CAPZB: variants seen among roughly 807,000 people sequenced by gnomAD.
CAPZB encodes F-actin-capping protein subunit beta.
In CAPZB, 2 loss-of-function variants were observed where a neutral mutation model predicts 38.1. The observed-to-expected ratio is 0.05, with a 90% confidence interval of 0.02 to 0.17. The LOEUF (loss-of-function observed/expected upper bound fraction) is 0.17, where lower values mean the gene tolerates loss of function less well. CAPZB is among the 10% of genes least tolerant of loss of function. The pLI, the probability that CAPZB is intolerant of heterozygous loss-of-function variation, is 1.00. For synonymous variants in CAPZB, 107 were observed against 127.4 expected (o/e 0.84, Z 1.08); for missense variants, 161 against 334.2 (o/e 0.48, Z 4.04).
chr1:19,418,634 T>C (rs1392298702), intron 2 of CAPZB, among the ~76,000 whole-genome samples: 1 of 152,208 alleles, frequency 6.6e-6, no homozygotes, highest in East Asian at 1.9e-4. Flanking sequence ...TGTCACACAC[T>C]TGCCTCTCAG....
At chr1:19,365,246 G>A (rs2094077000) in intron 4 of CAPZB, among the ~76,000 whole-genome samples, 2 of 152,186 alleles carry the variant, frequency 1.3e-5, no homozygotes, top group Admixed American at 1.3e-4. Flanking sequence ...TCAAATCTGT[G>A]ACAGATCACT....
intron 1 of CAPZB, among the ~76,000 whole-genome samples, chr1:19,456,245 T>C (rs1347806948): frequency 2.6e-5 from 4 of 152,242 alleles, no homozygotes; most frequent in South Asian, 4.1e-4. Context: ...CAACCAACAA[T>C]CTGCTGCTAT....
chr1:19,469,371 T>C (rs1226554727), intron 1 of CAPZB, among the ~76,000 whole-genome samples: 1 of 152,224 alleles, frequency 6.6e-6, no homozygotes, highest in Admixed American at 6.5e-5. Flanking sequence ...AAGGACAAAG[T>C]TTCCTTCCTA....
rs765964304 is a variant in CAPZB, at chr1:19,339,500, C to T, written c.*30G>A. 4.0e-6 allele frequency: 6 copies of T among 1,513,798 alleles called. No individual in the cohort carries two copies. The highest frequency in any genetic ancestry group is 2.7e-5 in the African/African-American group (2 of 72,914). 93.8% of individuals were successfully genotyped at this position (1,513,798 alleles called of 1,614,324 possible). The stretch of plus-strand genomic sequence containing the variant: ...CTAAGAAAGGAATCTAACGAGTGCA[C>T]GGCGTGTCTGGTTAGCATGAAACAG... On this transcript the variant is annotated 3_prime_UTR_variant, in exon 9 of 9. Coordinates refer to ENST00000264202, the MANE Select transcript of CAPZB (RefSeq NM_004930.5).
At chr1:19,443,218 T>G (rs1261670466) in intron 1 of CAPZB, among the ~76,000 whole-genome samples, 2 of 143,996 alleles carry the variant, frequency 1.4e-5, no homozygotes, top group Admixed American at 1.4e-4. Flanking sequence ...TGAGATCCCA[T>G]CTCTACAAAA....
chr1:19,409,438 A>C (rs1171368530), intron 2 of CAPZB, among the ~76,000 whole-genome samples: 1 of 150,916 alleles, frequency 6.6e-6, no homozygotes, highest in African/African-American at 2.4e-5. Context: ...TGCACTTCTA[A>C]CTACTAGTGA....
intron 1 of CAPZB, among the ~76,000 whole-genome samples, chr1:19,478,443 C>T (rs191728998): frequency 1.4e-4 from 22 of 152,316 alleles, no homozygotes; most frequent in African/African-American, 5.3e-4. Context: ...ATGGCAACCA[C>T]CAGGGTTGTT....
At chr1:19,398,782 C>T (rs1042181981) in intron 2 of CAPZB, among the ~76,000 whole-genome samples, 33 of 151,838 alleles carry the variant, frequency 2.2e-4, no homozygotes, top group Admixed American at 2.0e-3. Flanking sequence ...TAGGGCAGGT[C>T]GCAAAGCAGC....
chr1:19,423,513 ATTCTTTTTTT>A (rs2094409610), intron 1 of CAPZB, among the ~76,000 whole-genome samples: 1 of 95,718 alleles, frequency 1.0e-5, no homozygotes, highest in East Asian at 3.3e-4. Context: ...AATAGTGAAC[ATTCTTTTTTT>A]TTTTTTTTTT....
At chr1:19,361,027 A>G (rs545083393) in intron 4 of CAPZB, among the ~76,000 whole-genome samples, 262 of 152,236 alleles carry the variant, frequency 1.7e-3, no homozygotes, top group African/African-American at 6.0e-3. Flanking sequence ...CTTTTATATA[A>G]CTGTAAGCAC....
At chr1:19,472,899 A>G (rs2094594568) in intron 1 of CAPZB, among the ~76,000 whole-genome samples, 1 of 151,670 alleles carries the variant, frequency 6.6e-6, no homozygotes. Context: ...TTGTACTTTT[A>G]GTAGAGACGG....
chr1:19,465,779 G>A (rs2094566820), intron 1 of CAPZB, among the ~76,000 whole-genome samples: 1 of 152,172 alleles, frequency 6.6e-6, no homozygotes, highest in Non-Finnish European at 1.5e-5. Flanking sequence ...CTGGGCTCAT[G>A]TGATAAAGAC....
rs1234779716 is a variant in CAPZB at position 19,357,346 on chromosome 1, TAGAG to T, written c.471+72_471+75del. 27 of 1,367,914 alleles carry T rather than the reference TAGAG, an allele frequency of 2.0e-5. No homozygotes were observed. The highest frequency in any genetic ancestry group is 1.9e-4 in the Admixed American group (11 of 56,892). 84.7% of individuals were successfully genotyped at this position (1,367,914 alleles called of 1,614,324 possible). ...CACAGCATCCCCCTACTGCATCTGT[TAGAG>T]AGCAGCGCGGCACTGGTTGGTGTGC... On this transcript the variant is annotated intron_variant, in intron 5 of 8. Transcript: ENST00000264202. This position sits in a 1 kb window ranked among gnomAD's most constrained non-coding sequence, Gnocchi z 4.3.
chr1:19,410,257 C>T lies in CAPZB; in HGVS notation c.93+9404G>A, dbSNP rs138571292. ...TAAATCAGTTAGAACAGATAGGATGCCAGGGGAGATGGAGGGACAAGAGCC... is the reference window on the plus strand; with the variant it reads ...TAAATCAGTTAGAACAGATAGGATGTCAGGGGAGATGGAGGGACAAGAGCC... On this transcript the variant is annotated intron_variant, in intron 2 of 8. Coordinates refer to ENST00000264202, the MANE Select transcript of CAPZB (RefSeq NM_004930.5). 4.1e-3 allele frequency among the ~76,000 whole-genome samples: 623 copies of T among 152,252 alleles called. 3 individuals carry two copies. The highest frequency in any genetic ancestry group is 0.027 in the South Asian group (129 of 4,826).
At chr1:19,369,326 C>A (rs991887929) in intron 4 of CAPZB, among the ~76,000 whole-genome samples, 2 of 152,240 alleles carry the variant, frequency 1.3e-5, no homozygotes, top group Non-Finnish European at 2.9e-5. Flanking sequence ...AGAGCTGAAA[C>A]GCACTGCGAG....
intron 1 of CAPZB, among the ~76,000 whole-genome samples, chr1:19,466,804 A>G (rs2094570484): frequency 6.6e-6 from 1 of 152,218 alleles, no homozygotes; most frequent in African/African-American, 2.4e-5. Context: ...CCTATATTTA[A>G]TATTCATAGG....
chr1:19,420,565 T>C (rs377036594), intron 1 of CAPZB, among the ~76,000 whole-genome samples: 4 of 142,788 alleles, frequency 2.8e-5, no homozygotes, highest in East Asian at 4.4e-4. Flanking sequence ...CACAGGTGCA[T>C]GCCACCACAC....
At chr1:19,409,116 C>T (rs1437873936) in intron 2 of CAPZB, among the ~76,000 whole-genome samples, 2 of 152,110 alleles carry the variant, frequency 1.3e-5, no homozygotes, top group Non-Finnish European at 2.9e-5. Context: ...ATTCCTTGAA[C>T]GTGAGTTGGG....
At chr1:19,401,565 C>T (rs908988376) in intron 2 of CAPZB, among the ~76,000 whole-genome samples, 9 of 152,130 alleles carry the variant, frequency 5.9e-5, no homozygotes, top group African/African-American at 4.8e-5. Context: ...AGGTGAAAAA[C>T]GAAGGACCAC....
Sources: gnomAD v4.1 joint callset for allele counts (sites outside exome capture counted in the v4.1 genomes callset) on GRCh38, gnomAD v4.1.1 for gene constraint, Gnocchi (gnomAD v3.1) non-coding constraint, MANE v1.5 for transcripts, NCBI Gene and HGNC (gene_info 2026-07-23, HGNC 2026-07-21) for gene names.